The following KIF3C variants were observed in gnomAD, a reference collection of about 807,000 sequenced individuals.
The protein encoded by KIF3C is kinesin family member 3C.
Under a neutral mutation model 67.7 loss-of-function variants are expected in KIF3C, and 12 were observed. The ratio of observed to expected loss-of-function variants is 0.18; its 90% CI spans 0.11 to 0.29. KIF3C has a LOEUF of 0.29. Among genes scored for constraint, KIF3C ranks in the 10% least tolerant of loss-of-function variants. The pLI, the probability that KIF3C is intolerant of heterozygous loss-of-function variation, is 1.00. For missense variants in KIF3C, 789 were observed against 1,059.6 expected (o/e 0.74, Z 3.55); for synonymous variants, 393 against 426.2 (o/e 0.92, Z 0.96).
At chr2:25,929,533 G>C in intron 6 of KIF3C, 56 bp from the exon 7 acceptor site, 2 of 1,520,894 alleles carry the variant, frequency 1.3e-6, no homozygotes, top group Non-Finnish European at 1.8e-6. Flanking sequence ...GTGCCTTCTA[G>C]GGACTCAGCC....
At chr2:25,966,326 G>C (rs150470457) in intron 1 of KIF3C, among the ~76,000 whole-genome samples, 8 of 152,092 alleles carry the variant, frequency 5.3e-5, no homozygotes, top group Admixed American at 1.3e-4. Flanking sequence ...GGCTGGTCTC[G>C]AACTCCTGAC....
In KIF3C at chr2:25,954,325, G is replaced by A. The variant is rs1261607432; in HGVS notation, c.1831C>T (p.Arg611Cys). ...EIQDQHDEYI[R>C]VRQDLEEAQN... is the part of the protein sequence containing the mutation. ...GCCTCCTCCAGGTCCTGCCGCACGCGGATATACTCATCATGCTGGTCCTGG... is the reference window on the plus strand; with the variant it reads ...GCCTCCTCCAGGTCCTGCCGCACGCAGATATACTCATCATGCTGGTCCTGG... The change falls in exon 4 of 8, where the codon CGC becomes TGC. Residue 611 changes from arginine to cysteine, a missense_variant. By Grantham distance (180) the Arg-to-Cys change is radical. Around this residue, in one of 2 missense-constraint regions of KIF3C, gnomAD observed 648 missense variants for 807.8 expected, o/e 0.80. Coordinates refer to ENST00000264712, the MANE Select transcript of KIF3C (RefSeq NM_002254.8). 1.2e-6 allele frequency: 2 copies of A among 1,614,102 alleles called. No individual in the cohort carries two copies. The highest frequency in any genetic ancestry group is 2.2e-5 in the East Asian group (1 of 44,874).
intron 5 of KIF3C, among the ~76,000 whole-genome samples, chr2:25,947,799 T>G (rs1663485678): frequency 6.6e-6 from 1 of 152,192 alleles, no homozygotes; most frequent in African/African-American, 2.4e-5. Flanking sequence ...TAGGTGGAAT[T>G]TTCATTCTTT....
intron 5 of KIF3C, among the ~76,000 whole-genome samples, chr2:25,939,075 C>T (rs1293197659): frequency 6.6e-6 from 1 of 152,082 alleles, no homozygotes; most frequent in East Asian, 1.9e-4. Flanking sequence ...CACACTGCAA[C>T]CTCTGCCTCC....
intron 5 of KIF3C, chr2:25,938,315 G>A (rs1427333408): frequency 4.6e-6 from 2 of 438,316 alleles, no homozygotes; most frequent in East Asian, 7.2e-5. Context: ...CTGAGATCGT[G>A]CCACTGCATT....
chr2:25,954,235 G>C, intron 4 of KIF3C, 32 bp downstream of exon 4: 1 of 1,509,750 alleles, frequency 6.6e-7, no homozygotes, highest in South Asian at 1.1e-5. Context: ...CTGGCTGTGG[G>C]GACCCGGGAT....
rs2090424423 is a variant in KIF3C, at chr2:25,927,787, T to C, written c.*1191A>G. On this transcript the variant is annotated 3_prime_UTR_variant, in exon 8 of 8. Coordinates refer to ENST00000264712, the MANE Select transcript of KIF3C (RefSeq NM_002254.8). ...GTCAATGAACATTAACCATTTTTTT[T>C]TGTAGAAATTTACTTATCACTTGAG... 6.6e-6 allele frequency: 1 copy of C among 152,608 alleles called. No individual in the cohort carries two copies. The highest frequency in any genetic ancestry group is 1.5e-5 in the Non-Finnish European group (1 of 68,050). 9.5% of individuals were successfully genotyped at this position (152,608 alleles called of 1,614,324 possible). A position where few individuals can be genotyped will look rare whatever the true frequency, so the allele number is the denominator to read the frequency against.
At chr2:25,932,390 C>G (rs1228826826) in intron 5 of KIF3C, among the ~76,000 whole-genome samples, 1 of 150,760 alleles carries the variant, frequency 6.6e-6, no homozygotes, top group Non-Finnish European at 1.5e-5. Context: ...CCTCCTGCCT[C>G]GGCCTCCCAA....
In KIF3C at chr2:25,934,075, C is replaced by T. The variant is rs571162645; in HGVS notation, c.2007-4012G>A. 490 of 465,654 alleles carry T rather than the reference C, an allele frequency of 1.1e-3. 1 individual carries two copies. The highest frequency in any genetic ancestry group is 2.3e-3 in the Middle Eastern group (7 of 3,060). 28.8% of individuals were successfully genotyped at this position (465,654 alleles called of 1,614,324 possible). ...GTACTGATGAGTGTTCCAACATGGA[C>T]GAACCTTGAAAACATTTTGCTAAGT... is the stretch of plus-strand genomic sequence containing the variant. On this transcript the variant is annotated intron_variant, in intron 5 of 7. Transcript: ENST00000264712.
chr2:25,966,397 C>T (rs181944737), intron 1 of KIF3C, among the ~76,000 whole-genome samples: 13 of 152,206 alleles, frequency 8.5e-5, no homozygotes, highest in South Asian at 2.1e-4. Flanking sequence ...TGAGCCACCA[C>T]GCCCCACCTG....
Position 25,982,210 on chromosome 2 carries a change from G to A in KIF3C, c.-293C>T. The A allele has an allele frequency of 2.3e-6, 1 of 438,092 alleles. No homozygotes were observed. The highest frequency in any genetic ancestry group is 4.0e-6 in the Non-Finnish European group (1 of 249,526). The allele number at this position is 438,092 out of a possible 1,614,324, so 27.1% of individuals were successfully genotyped here. ...CAGCCGTGCCCGGAGCCCGCCCCAT[G>A]CAGGAGCAGAGGGAGCGCTGCCGTA... On this transcript the variant is annotated 5_prime_UTR_variant, in exon 1 of 8. Transcript: ENST00000264712.
chr2:25,951,972 G>T, intron 4 of KIF3C, 67 bp from the exon 5 acceptor site: 1 of 1,102,550 alleles, frequency 9.1e-7, no homozygotes, highest in Non-Finnish European at 1.4e-6. Context: ...GCATGTGAGG[G>T]TTGAAGGATT....
chr2:25,928,551 G>GC lies in KIF3C; in HGVS notation c.*426dup, dbSNP rs2090430247. 6.3e-6 allele frequency: 1 copy of GC among 157,530 alleles called. No homozygotes were observed. The highest frequency in any genetic ancestry group is 1.9e-4 in the South Asian group (1 of 5,364). 9.8% of individuals were successfully genotyped at this position (157,530 alleles called of 1,614,324 possible). The stretch of plus-strand genomic sequence containing the variant: ...TCCCAGTCCCAGAAAGTGCTCAGGG[G>GC]CTGCTCGCCATCAGTGTGGGAGAAG... On this transcript the variant is annotated 3_prime_UTR_variant, in exon 8 of 8. Transcript: ENST00000264712.
intron 5 of KIF3C, among the ~76,000 whole-genome samples, chr2:25,932,930 A>G (rs1474721719): frequency 2.0e-5 from 3 of 151,892 alleles, no homozygotes; most frequent in Admixed American, 6.6e-5. Flanking sequence ...CTTGCATAAG[A>G]CGAACATATA....
Position 25,955,493 on chromosome 2 carries a change from C to T in KIF3C, c.1770+48G>A, listed in dbSNP as rs1352988272. 3 of 1,606,598 alleles carry T rather than the reference C, an allele frequency of 1.9e-6. No homozygotes were observed. The highest frequency in any genetic ancestry group is 2.2e-5 in the East Asian group (1 of 44,690). On this transcript the variant is annotated intron_variant, in intron 3 of 7. Coordinates refer to ENST00000264712, the MANE Select transcript of KIF3C (RefSeq NM_002254.8). This position sits in a 1 kb window ranked among gnomAD's most constrained non-coding sequence, Gnocchi z 5.0. ...GAAGCACACATCCCTTGGGCAGAGA[C>T]TGCTGGGCCTCCAGCACACCTTAAC... is the stretch of plus-strand genomic sequence containing the variant.
At chr2:25,941,795 G>C (rs1263511262) in intron 5 of KIF3C, among the ~76,000 whole-genome samples, 1 of 152,102 alleles carries the variant, frequency 6.6e-6, no homozygotes, top group African/African-American at 2.4e-5. Flanking sequence ...AGGAGGCTGA[G>C]GTGGGAGGAT....
At position 25,971,596 on chromosome 2, in the gene KIF3C, A is replaced by T. The variant is rs11673878; in HGVS notation, c.1545+8777T>A. Among the ~76,000 whole-genome samples, 199 of 152,348 alleles carry T rather than the reference A, an allele frequency of 1.3e-3. 1 individual carries two copies. The highest frequency in any genetic ancestry group is 2.4e-3 in the Non-Finnish European group (161 of 68,028). On this transcript the variant is annotated intron_variant, in intron 1 of 7. Coordinates refer to ENST00000264712, the MANE Select transcript of KIF3C (RefSeq NM_002254.8). The stretch of plus-strand genomic sequence containing the variant: ...AACTTCTCAGGATATTAAAAATTCT[A>T]GATATACCAAACCACAAGTGTGGGT...
Position 25,928,886 on chromosome 2 carries a change from C to T in KIF3C, c.*92G>A, listed in dbSNP as rs2090433396. On this transcript the variant is annotated 3_prime_UTR_variant, in exon 8 of 8. Coordinates refer to ENST00000264712, the MANE Select transcript of KIF3C (RefSeq NM_002254.8). ...ACACACGCACACGCACATGCACGCACACGCACACGCACCAAGCGGCAGATG... is the reference window on the plus strand; with the variant it reads ...ACACACGCACACGCACATGCACGCATACGCACACGCACCAAGCGGCAGATG... 1 of 1,037,168 alleles carries T rather than the reference C, an allele frequency of 9.6e-7. No homozygotes were observed. The highest frequency in any genetic ancestry group is 1.5e-6 in the Non-Finnish European group (1 of 685,712). 64.2% of individuals were successfully genotyped at this position (1,037,168 alleles called of 1,614,324 possible).
intron 5 of KIF3C, among the ~76,000 whole-genome samples, chr2:25,932,392 G>A (rs1029042456): frequency 2.0e-5 from 3 of 151,048 alleles, no homozygotes; most frequent in Non-Finnish European, 4.4e-5. Flanking sequence ...TCCTGCCTCG[G>A]CCTCCCAAAG....
Sources: gnomAD v4.1 joint callset for allele counts (sites outside exome capture counted in the v4.1 genomes callset) on GRCh38, gnomAD v4.1.1 for gene constraint, gnomAD v4.1.1 regional missense constraint, Gnocchi (gnomAD v3.1) non-coding constraint, MANE v1.5 for transcripts, NCBI Gene and HGNC (gene_info 2026-07-23, HGNC 2026-07-21) for gene names.